Variants in TCHH observed in about 807,000 individuals in gnomAD.
TCHH encodes trichohyalin.
Under a neutral mutation model 6.3 loss-of-function variants are expected in TCHH, and 6 were observed. That is an observed-to-expected ratio of 0.95 (90% CI 0.52 to 1.88). The LOEUF (loss-of-function observed/expected upper bound fraction) is 1.88. Ranked by LOEUF, TCHH falls within the 40% of genes most tolerant of loss-of-function variation. TCHH has a pLI of 0.01. For missense variants in TCHH, 2,920 were observed against 2,449.1 expected (o/e 1.19, Z -4.06); for synonymous variants, 1,087 against 963.6 (o/e 1.13, Z -2.37).
Position 152,110,514 on chromosome 1 carries a change from C to T in TCHH, c.2703G>A (p.Lys901=), listed in dbSNP as rs1658300048. The change falls in exon 3 of 3, where the codon AAG becomes AAA. Residue 901 remains lysine (K), a synonymous_variant. Transcript: ENST00000614923. The stretch of plus-strand genomic sequence containing the variant: ...CCTCCTCCTGCAGCAGCTGCTGTTC[C>T]TTCCTCAGCTGCTCTTGTAGGGCTG... ...AKPALQEQLR[K]EQQLLQEEEE... is the part of the protein sequence containing the mutation. The T allele has an allele frequency of 7.4e-6, 12 of 1,614,196 alleles. No individual in the cohort carries two copies. Among genetic ancestry groups the T allele is most frequent in the Non-Finnish European group, 1.0e-5 (12 of 1,180,028 alleles).
At position 152,112,894 on chromosome 1, in the gene TCHH, C is replaced by G; in HGVS notation, c.323G>C (p.Ser108Thr). The G allele has an allele frequency of 6.2e-7, 1 of 1,613,970 alleles. No homozygotes were observed. Among genetic ancestry groups the G allele is most frequent in the South Asian group, 1.1e-5 (1 of 91,062 alleles). Residue 108 changes from serine to threonine, a missense_variant, in exon 3 of 3, where the codon AGC becomes ACC. Transcript: ENST00000614923. ...EKRARCDGKE[S>T]LLQDRRQEED... ...TTCTTGCCTGCGATCTTGTAACAGGCTCTCCTTTCCGTCACACCGGGCTCG... is the reference window on the plus strand; with the variant it reads ...TTCTTGCCTGCGATCTTGTAACAGGGTCTCCTTTCCGTCACACCGGGCTCG...
rs770680358 is a variant in TCHH, at chr1:152,110,642, C to G, written c.2575G>C (p.Asp859His). ...TCCTGGCTTCGCCTCCTCTCCTGAT[C>G]CTCCTGGAGGCCGTCCTCCTCCTCC... is the stretch of plus-strand genomic sequence containing the variant. ...LQEEEDGLQEDQERRRSQEQR... is the reference protein window; with the variant it reads ...LQEEEDGLQEHQERRRSQEQR... The change falls in exon 3 of 3, where the codon GAT becomes CAT. Residue 859 changes from aspartate (D) to histidine (H), a missense_variant. Coordinates refer to ENST00000614923, the MANE Select transcript of TCHH (RefSeq NM_007113.4). 5.6e-6 allele frequency: 9 copies of G among 1,614,070 alleles called. No homozygotes were observed. In the East Asian group the frequency reaches 1.8e-4, roughly 32 times the overall value.
Position 152,106,649 on chromosome 1 carries a change from G to A in TCHH, c.*736C>T, listed in dbSNP as rs1438628140. On this transcript the variant is annotated 3_prime_UTR_variant, in exon 3 of 3. Transcript: ENST00000614923. ...AACACTATAGACTACAACAGACACA[G>A]TTTTAAAATTTGAACTCTGAAGTTG... 6.6e-6 allele frequency: 1 copy of A among 152,084 alleles called. No homozygotes were observed. Among genetic ancestry groups the A allele is most frequent in the East Asian group, 1.9e-4 (1 of 5,192 alleles). The allele number at this position is 152,084 out of a possible 1,614,324, so 9.4% of individuals were successfully genotyped here.
Position 152,108,444 on chromosome 1 carries a change from C to G in TCHH, c.4773G>C (p.Gln1591His). 1 of 1,613,364 alleles carries G rather than the reference C, an allele frequency of 6.2e-7. No individual in the cohort carries two copies. The highest frequency in any genetic ancestry group is 1.1e-5 in the South Asian group (1 of 91,020). ...FRLEEQKVRRQEQERKFMEDE... is the reference protein window; with the variant it reads ...FRLEEQKVRRHEQERKFMEDE... ...CCTCCATGAATTTTCTCTCTTGTTC[C>G]TGGCGGCGCACTTTCTGTTCCTCTA... The change falls in exon 3 of 3, where the codon CAG becomes CAC. Residue 1591 changes from glutamine (Q) to histidine (H), a missense_variant. Physicochemically the swap from Gln to His is conservative, Grantham distance 24 (BLOSUM62 0). Coordinates refer to ENST00000614923, the MANE Select transcript of TCHH (RefSeq NM_007113.4).
rs1553193906 is a variant in TCHH, at chr1:152,107,885, G to A, written c.5332C>T (p.Gln1778Ter). 3 of 1,613,654 alleles carry A rather than the reference G, an allele frequency of 1.9e-6. No individual in the cohort carries two copies. The South Asian group carries it at 3.3e-5, about 18-fold the overall frequency. ...TGTTCCTCCCTCTCCTGGCGGAGCT[G>A]TTCCTCCTCGCGGAATTTTCTGTCG... The part of the protein sequence containing the change: ...ERDRKFREEE[Q>*]LRQEREEQQL... The change falls in exon 3 of 3, where the codon CAG becomes TAG. Residue 1778 changes from glutamine (Q) to a stop codon, truncating the protein, a stop_gained. Transcript: ENST00000614923. LOFTEE classifies it low-confidence loss of function (END_TRUNC).
chr1:152,111,884 G>T lies in TCHH; in HGVS notation c.1333C>A (p.Gln445Lys). ...TCCTCCTGCTCGCGCTTCAGCCGCT[G>T]CTCGCGCCTCTCCTGCTCGTGCTTC... ...EQKHEQERRE[Q>K]RLKREQEERR... The change falls in exon 3 of 3, where the codon CAG (glutamine) becomes AAG (lysine). Residue 445 changes from glutamine to lysine, a missense_variant. By Grantham distance (53) the Gln-to-Lys change is moderately conservative. Transcript: ENST00000614923. 1 of 1,605,052 alleles carries T rather than the reference G, an allele frequency of 6.2e-7. No homozygotes were observed. The highest frequency in any genetic ancestry group is 1.1e-5 in the South Asian group (1 of 90,768).
chr1:152,113,323 G>T (rs1273677125), intron 2 of TCHH, among the ~76,000 whole-genome samples: 1 of 152,200 alleles, frequency 6.6e-6, no homozygotes, highest in Non-Finnish European at 1.5e-5. Flanking sequence ...GAAGCAGGAA[G>T]AGAGACACAA....
In TCHH at chr1:152,110,222, C is replaced by T. The variant is rs1321569232; in HGVS notation, c.2995G>A (p.Glu999Lys). 1.9e-6 allele frequency: 3 copies of T among 1,609,236 alleles called. No homozygotes were observed. Among genetic ancestry groups the T allele is most frequent in the Admixed American group, 1.7e-5 (1 of 59,248 alleles). The change falls in exon 3 of 3, where the codon GAG becomes AAG. Residue 999 changes from glutamate (E) to lysine (K), a missense_variant. By Grantham distance (56) the Glu-to-Lys change is moderately conservative. Coordinates refer to ENST00000614923, the MANE Select transcript of TCHH (RefSeq NM_007113.4). The stretch of plus-strand genomic sequence containing the variant: ...TCCTCTCTCAGCAGCTGCTCTTCCT[C>T]CTGCTGCAACTCCTCTTCCTCGCGG... ...KYREEEELQQ[E>K]EEQLLREERE...
rs745668204 is a variant in TCHH at position 152,108,067 on chromosome 1, CGCAGCTGCTGTTCCTCCTG to C, written c.5131_5149del (p.Gln1711AlafsTer34). The C allele has an allele frequency of 1.2e-5, 19 of 1,613,214 alleles. No individual in the cohort carries two copies. Among genetic ancestry groups the C allele is most frequent in the Non-Finnish European group, 1.6e-5 (19 of 1,179,862 alleles). On this transcript the variant is annotated frameshift_variant, in exon 3 of 3. Transcript: ENST00000614923. LOFTEE classifies it low-confidence loss of function (END_TRUNC). ...GAATTTTCTCTCCAGTTCCTGGCGG[CGCAGCTGCTGTTCCTCCTG>C]GAGGAATTTTCTCTCTCGTTCCTGA...
rs748952502 is a variant in TCHH at position 152,110,081 on chromosome 1, G to C, written c.3136C>G (p.Arg1046Gly). 1 of 1,609,176 alleles carries C rather than the reference G, an allele frequency of 6.2e-7. No homozygotes were observed. The highest frequency in any genetic ancestry group is 1.7e-5 in the Admixed American group (1 of 59,388). The change falls in exon 3 of 3, where the codon CGG becomes GGG. Residue 1046 changes from arginine to glycine, a missense_variant. Arg to Gly is a moderately radical substitution (Grantham distance 125). Transcript: ENST00000614923. ...TCTTCCTCCCGATATTGCCTCTCCC[G>C]CTCCTGGAGTCTTCTTTTCTCCCGT... Reference protein sequence around the residue: ...EEREKRRLQERERQYREEEEL... With the variant: ...EEREKRRLQEGERQYREEEEL...
In TCHH at chr1:152,109,570, T is replaced by A. The variant is rs1658245250; in HGVS notation, c.3647A>T (p.Asp1216Val). 2 of 1,614,132 alleles carry A rather than the reference T, an allele frequency of 1.2e-6. No homozygotes were observed. The highest frequency in any genetic ancestry group is 2.2e-5 in the South Asian group (2 of 91,088). The change falls in exon 3 of 3, where the codon GAT (aspartate) becomes GTT (valine). Residue 1216 changes from aspartate (D) to valine (V), a missense_variant. Physicochemically the swap from Asp to Val is radical, Grantham distance 152 (BLOSUM62 -3). Transcript: ENST00000614923. Reference protein sequence around the residue: ...QRQKRKQRYRDEDQRSDLKWQ... With the variant: ...QRQKRKQRYRVEDQRSDLKWQ... ...TTTCAGATCACTGCGCTGATCCTCA[T>A]CCCGGTATCGCTGCTTCCTTTTCTG...
Position 152,108,894 on chromosome 1 carries a change from G to T in TCHH, c.4323C>A (p.Arg1441=). Residue 1441 remains arginine (R), a synonymous_variant, in exon 3 of 3, where the codon CGC becomes CGA. Coordinates refer to ENST00000614923, the MANE Select transcript of TCHH (RefSeq NM_007113.4). The part of the protein sequence containing the change: ...KFREEEQQVR[R]QERERKFLEE... ...CCAGGAATTTTCTCTCTCGTTCCTG[G>T]CGGCGCACCTGCTGTTCCTCTTCAC... 3.7e-6 allele frequency: 6 copies of T among 1,610,322 alleles called. No homozygotes were observed. The highest frequency in any genetic ancestry group is 5.1e-6 in the Non-Finnish European group (6 of 1,179,146).
Position 152,107,828 on chromosome 1 carries a change from A to T in TCHH, c.5389T>A (p.Phe1797Ile). The change falls in exon 3 of 3, where the codon TTC (phenylalanine) becomes ATC (isoleucine). Residue 1797 changes from phenylalanine (F) to isoleucine (I), a missense_variant. Transcript: ENST00000614923. The part of the protein sequence containing the change: ...QLRSQESDRK[F>I]REEEQLRQER... ...TGGCGTAGCTGTTCCTCCTCGCGGA[A>T]TTTTCTGTCAGACTCTTGGCTGCGC... 1.2e-6 allele frequency: 2 copies of T among 1,612,548 alleles called. No individual in the cohort carries two copies. The highest frequency in any genetic ancestry group is 1.7e-6 in the Non-Finnish European group (2 of 1,179,694).
Position 152,114,118 on chromosome 1 carries a change from C to A in TCHH, c.-31-7G>T. On this transcript the variant is annotated splice_region_variant and splice_polypyrimidine_tract_variant and intron_variant, in intron 1 of 2. Coordinates refer to ENST00000614923, the MANE Select transcript of TCHH (RefSeq NM_007113.4). ...CCTTCAAGTTCAAGTAAACCTAGAA[C>A]AATAAAATAAGATCCAGAATCAAAA... 2.6e-6 allele frequency: 4 copies of A among 1,567,390 alleles called. No individual in the cohort carries two copies. Among genetic ancestry groups the A allele is most frequent in the Non-Finnish European group, 3.4e-6 (4 of 1,162,258 alleles).
chr1:152,113,151 A>C (rs1171189356), intron 2 of TCHH, 73 bp from the exon 3 acceptor site: 1 of 1,363,794 alleles, frequency 7.3e-7, no homozygotes, highest in Non-Finnish European at 1.0e-6. Flanking sequence ...CACACATGAT[A>C]TATTTTATGC....
intron 1 of TCHH, among the ~76,000 whole-genome samples, chr1:152,115,135 C>G (rs999228530): frequency 5.3e-5 from 8 of 152,044 alleles, no homozygotes; most frequent in Non-Finnish European, 1.2e-4. Context: ...GAAGATGAAC[C>G]CTATCAGAGC....
rs200110304 is a variant in TCHH, at chr1:152,111,340, T to C, written c.1877A>G (p.Glu626Gly). Residue 626 changes from glutamate to glycine, a missense_variant, in exon 3 of 3, where the codon GAG (glutamate) becomes GGG (glycine). Coordinates refer to ENST00000614923, the MANE Select transcript of TCHH (RefSeq NM_007113.4). ...REQRLKREEP[E>G]EERRQQLLKS... ...CAGCAGCTGCTGGCGCCTCTCTTCC[T>C]CCGGCTCCTCGCGCTTCAGCCGCTG... 7.9e-5 allele frequency: 126 copies of C among 1,602,304 alleles called. No individual in the cohort carries two copies. The highest frequency in any genetic ancestry group is 9.6e-5 in the Non-Finnish European group (113 of 1,173,016).
In TCHH at chr1:152,108,942, G is replaced by A. The variant is rs1447619209; in HGVS notation, c.4275C>T (p.Arg1425=). Residue 1425 remains arginine (R), a synonymous_variant, in exon 3 of 3, where the codon CGC becomes CGT. Coordinates refer to ENST00000614923, the MANE Select transcript of TCHH (RefSeq NM_007113.4). ...CACGGAATTTTCTGTCACGCTCTTG[G>A]CGGCTCAGCTGCTGTTCCTCCTCGC... ...KFREEEQQLS[R]QERDRKFREE... is the part of the protein sequence containing the mutation. 3 of 1,611,192 alleles carry A rather than the reference G, an allele frequency of 1.9e-6. No homozygotes were observed. Among genetic ancestry groups the A allele is most frequent in the East Asian group, 4.5e-5 (2 of 44,566 alleles).
In TCHH at chr1:152,108,998, G is replaced by A. The variant is rs1200007784; in HGVS notation, c.4219C>T (p.Gln1407Ter). 1 of 1,607,464 alleles carries A rather than the reference G, an allele frequency of 6.2e-7. No individual in the cohort carries two copies. The highest frequency in any genetic ancestry group is 8.5e-7 in the Non-Finnish European group (1 of 1,178,252). ...TTTCTGTCGCGGTCCTGACGCAGCTGTTGCTCGCGCTCCTGGCAGCGCAGC... is the reference window on the plus strand; with the variant it reads ...TTTCTGTCGCGGTCCTGACGCAGCTATTGCTCGCGCTCCTGGCAGCGCAGC... ...QQLRCQEREQ[Q>*]LRQDRDRKFR... Residue 1407 changes from glutamine (Q) to a stop codon, truncating the protein, a stop_gained, in exon 3 of 3, where the codon CAG becomes TAG. Coordinates refer to ENST00000614923, the MANE Select transcript of TCHH (RefSeq NM_007113.4). LOFTEE classifies it low-confidence loss of function (END_TRUNC).
Sources: gnomAD v4.1 joint callset for allele counts (sites outside exome capture counted in the v4.1 genomes callset) on GRCh38, gnomAD v4.1.1 for gene constraint, MANE v1.5 for transcripts, NCBI Gene and HGNC (gene_info 2026-07-23, HGNC 2026-07-21) for gene names.